CSMD1: variants seen among roughly 807,000 people sequenced by gnomAD.
The protein encoded by CSMD1 is CUB and sushi domain-containing protein 1.
CSMD1 carries 213 observed loss-of-function variants against 417.5 expected under a neutral mutation model. The observed-to-expected ratio is 0.51, with a 90% CI of 0.46 to 0.57. CSMD1 has a LOEUF of 0.57. Among genes scored for constraint, CSMD1 ranks in the 20% least tolerant of loss-of-function variants. The pLI is 0.00. For synonymous variants in CSMD1, 2,862 were observed against 1,736.8 expected (o/e 1.65, Z -16.11); for missense variants, 6,923 against 4,529.7 (o/e 1.53, Z -15.17).
chr8:3,839,530 T>A (rs1241806566), intron 5 of CSMD1, among the ~76,000 whole-genome samples: 12 of 76,764 alleles, frequency 1.6e-4, no homozygotes, highest in Non-Finnish European at 2.6e-4. Context: ...TAAATATATG[T>A]TAAGATTTTA....
At position 4,166,489 on chromosome 8, in the gene CSMD1, G is replaced by A. The variant is rs188153280; in HGVS notation, c.416-134390C>T. Among the ~76,000 whole-genome samples, 159 of 152,274 alleles carry A rather than the reference G, an allele frequency of 1.0e-3. 1 individual carries two copies. The highest frequency in any genetic ancestry group is 3.7e-3 in the African/African-American group (153 of 41,568). ...ATGAAGTTGGAGGCCATTACCCTAA[G>A]TTAAGTAACTCAGGAATGGAAAAGC... On this transcript the variant is annotated intron_variant, in intron 3 of 69. Transcript: ENST00000635120.
At chr8:3,217,189 G>A (rs259866) in intron 29 of CSMD1, among the ~76,000 whole-genome samples, 24,590 of 151,008 alleles carry the variant, frequency 0.16, 2,052 homozygotes, top group Admixed American at 0.21. Context: ...TCACTGTCGT[G>A]GGCTGCATGC....
chr8:4,799,943 C>G (rs1324083724), intron 1 of CSMD1, among the ~76,000 whole-genome samples: 1 of 152,040 alleles, frequency 6.6e-6, no homozygotes, highest in Non-Finnish European at 1.5e-5. Context: ...TGCATGTACC[C>G]TCGAACATGC....
chr8:4,337,224 A>G (rs6558862), intron 3 of CSMD1, among the ~76,000 whole-genome samples: 8,540 of 152,162 alleles, frequency 0.056, 717 homozygotes, highest in African/African-American at 0.18. Context: ...TTTACCCAGG[A>G]GGCAAAAACT....
intron 5 of CSMD1, among the ~76,000 whole-genome samples, chr8:3,756,791 A>C (rs545186090): frequency 1.1e-4 from 16 of 149,464 alleles, no homozygotes; most frequent in Non-Finnish European, 2.4e-4. Context: ...TGAAAAAACC[A>C]GGTGGAATTT....
intron 1 of CSMD1, among the ~76,000 whole-genome samples, chr8:4,971,812 T>C (rs1342887488): frequency 6.6e-6 from 1 of 152,046 alleles, no homozygotes; most frequent in East Asian, 1.9e-4. Context: ...AAATATAGAA[T>C]TTAAAGATAA....
chr8:4,920,940 A>G (rs868387787), intron 1 of CSMD1, among the ~76,000 whole-genome samples: 10 of 5,792 alleles, frequency 1.7e-3, no homozygotes, highest in Admixed American at 3.6e-3. Context: ...GAGAGAAAGA[A>G]AGAAAGAAAG....
At chr8:3,399,685 T>C (rs1811921546) in intron 15 of CSMD1, among the ~76,000 whole-genome samples, 156 bp from the exon 16 acceptor site, 2 of 152,230 alleles carry the variant, frequency 1.3e-5, no homozygotes, top group Admixed American at 1.3e-4. Flanking sequence ...TGTACATTTA[T>C]TGAAAGCAGG....
At chr8:3,968,950 T>C (rs1405031258) in intron 5 of CSMD1, among the ~76,000 whole-genome samples, 1 of 152,186 alleles carries the variant, frequency 6.6e-6, no homozygotes, top group African/African-American at 2.4e-5. Flanking sequence ...ACTACTCTTC[T>C]TTACTAAGAC....
intron 1 of CSMD1, among the ~76,000 whole-genome samples, chr8:4,901,870 C>T (rs540417120): frequency 6.6e-6 from 1 of 152,210 alleles, no homozygotes; most frequent in South Asian, 2.1e-4. Context: ...TATATATACA[C>T]TTCCCACCAG....
At chr8:4,653,170 G>C (rs979534264) in intron 1 of CSMD1, among the ~76,000 whole-genome samples, 2 of 152,132 alleles carry the variant, frequency 1.3e-5, no homozygotes, top group East Asian at 3.9e-4. Context: ...CTTAGGTGTT[G>C]AGTGATCTGA....
intron 3 of CSMD1, among the ~76,000 whole-genome samples, chr8:4,410,479 G>A (rs574848910): frequency 1.3e-5 from 2 of 152,248 alleles, no homozygotes; most frequent in African/African-American, 2.4e-5. Context: ...TGTTTAAATA[G>A]AAAGTCATCT....
At chr8:3,423,762 T>C (rs1206410508) in intron 12 of CSMD1, among the ~76,000 whole-genome samples, 1 of 152,136 alleles carries the variant, frequency 6.6e-6, no homozygotes, top group Non-Finnish European at 1.5e-5. Context: ...AGGGGTGGAA[T>C]TGTTGGATCA....
chr8:3,909,650 G>C (rs2627413), intron 5 of CSMD1, among the ~76,000 whole-genome samples: 18,384 of 152,074 alleles, frequency 0.12, 1,662 homozygotes, highest in African/African-American at 0.25. Context: ...AATGGGTGAA[G>C]AGTCACCTGG....
chr8:4,750,191 T>C (rs1385047477), intron 1 of CSMD1, among the ~76,000 whole-genome samples: 1 of 151,856 alleles, frequency 6.6e-6, no homozygotes, highest in Non-Finnish European at 1.5e-5. Context: ...GTATTTTTAG[T>C]AGAGACAGGG....
At chr8:4,202,242 T>G (rs540913915) in intron 3 of CSMD1, among the ~76,000 whole-genome samples, 1 of 152,314 alleles carries the variant, frequency 6.6e-6, no homozygotes, top group African/African-American at 2.4e-5. Context: ...ATGCCTTATC[T>G]TCACAATTCA....
intron 2 of CSMD1, among the ~76,000 whole-genome samples, chr8:4,631,558 A>G (rs1300710508): frequency 1.3e-5 from 2 of 152,202 alleles, no homozygotes; most frequent in African/African-American, 2.4e-5. Context: ...TCATATGTCT[A>G]TAAGTTCTAA....
chr8:3,293,786 G>C (rs530992280), intron 25 of CSMD1, among the ~76,000 whole-genome samples: 32 of 152,272 alleles, frequency 2.1e-4, no homozygotes, highest in African/African-American at 6.3e-4. Flanking sequence ...TCCTCCTGTA[G>C]CTCAGAGTAG....
chr8:4,986,314 G>A (rs986002667), intron 1 of CSMD1, among the ~76,000 whole-genome samples: 14 of 152,246 alleles, frequency 9.2e-5, no homozygotes, highest in Non-Finnish European at 1.8e-4. Flanking sequence ...GAGAGTCCCC[G>A]ACATCCTTTA....
Sources: allele counts gnomAD v4.1 joint callset (sites outside exome capture counted in the v4.1 genomes callset), GRCh38; gene constraint gnomAD v4.1.1; transcripts MANE v1.5; gene names NCBI Gene and HGNC (gene_info 2026-07-23, HGNC 2026-07-21).